Variants in WNK1 observed in about 807,000 individuals in gnomAD.
The protein encoded by WNK1 is serine/threonine-protein kinase WNK1.
WNK1 carries 38 observed loss-of-function variants against 222.8 expected under a neutral mutation model. The ratio of observed to expected loss-of-function variants is 0.17; its 90% CI spans 0.13 to 0.22. The LOEUF (loss-of-function observed/expected upper bound fraction) is 0.22, where lower values mean the gene tolerates loss of function less well. Ranked by LOEUF, WNK1 falls within the 10% of genes least tolerant of loss-of-function variation. The probability of loss-of-function intolerance (pLI) is 1.00; values close to 1 mark genes in which losing one functional copy is unlikely to be tolerated. For synonymous variants in WNK1, 1,090 were observed against 1,092.9 expected (o/e 1.00, Z 0.05); for missense variants, 2,348 against 2,918.4 (o/e 0.80, Z 4.50).
At chr12:872,681 C>T (rs1016313165) in intron 9 of WNK1, among the ~76,000 whole-genome samples, 1 of 152,164 alleles carries the variant, frequency 6.6e-6, no homozygotes, top group Non-Finnish European at 1.5e-5. Context: ...TGCAAACTTC[C>T]TAATGTTAGT....
rs72647364 is a variant in WNK1, at chr12:753,407, C to T, written c.-159C>T. 4.8e-4 allele frequency: 452 copies of T among 934,448 alleles called. 1 individual carries two copies. Among genetic ancestry groups the T allele is most frequent in the African/African-American group, 2.9e-3 (173 of 60,434 alleles). 57.9% of individuals were successfully genotyped at this position (934,448 alleles called of 1,614,324 possible). ...AGCTGGGCCCAGCGGTCCGCCTGTCCCTCGTTGCGGCTTGTCGGTGCTGAG... is the reference window on the plus strand; with the variant it reads ...AGCTGGGCCCAGCGGTCCGCCTGTCTCTCGTTGCGGCTTGTCGGTGCTGAG... On this transcript the variant is annotated 5_prime_UTR_variant, in exon 1 of 28. Coordinates refer to ENST00000315939, the MANE Select transcript of WNK1 (RefSeq NM_018979.4). The surrounding 1 kb of genome is among the most constrained non-coding windows in gnomAD (Gnocchi z 5.2).
intron 4 of WNK1, among the ~76,000 whole-genome samples, chr12:849,682 A>G (rs979190572): frequency 1.3e-5 from 2 of 151,884 alleles, no homozygotes; most frequent in Admixed American, 1.3e-4. Flanking sequence ...TCATCATTTA[A>G]CATTAGGTAT....
At position 827,850 on chromosome 12, in the gene WNK1, T is replaced by G. The variant is rs774589169; in HGVS notation, c.1153+588T>G. On this transcript the variant is annotated intron_variant, in intron 3 of 27. Transcript: ENST00000315939. The surrounding 1 kb of genome is among the most constrained non-coding windows in gnomAD (Gnocchi z 4.6). The stretch of plus-strand genomic sequence containing the variant: ...AGCCAGCCATCTTTTCATTACACAC[T>G]GTTGATACTTAACATTATACACTAT... Among the ~76,000 whole-genome samples, 3 of 152,142 alleles carry G rather than the reference T, an allele frequency of 2.0e-5. No homozygotes were observed. The highest frequency in any genetic ancestry group is 4.4e-5 in the Non-Finnish European group (3 of 68,028).
At chr12:795,474 G>C (rs1047126606) in intron 1 of WNK1, among the ~76,000 whole-genome samples, 1 of 151,890 alleles carries the variant, frequency 6.6e-6, no homozygotes, top group South Asian at 2.1e-4. Context: ...ATAAGTCTCA[G>C]AGATCTGATG....
chr12:869,476 C>G (rs935482439), intron 8 of WNK1, among the ~76,000 whole-genome samples: 13 of 152,116 alleles, frequency 8.5e-5, no homozygotes, highest in African/African-American at 2.7e-4. Flanking sequence ...GTATTACTTT[C>G]TTCCTCCAAA....
Position 859,306 on chromosome 12 carries a change from G to A in WNK1, c.1462G>A (p.Glu488Lys). The change falls in exon 6 of 28, where the codon GAA (glutamate) becomes AAA (lysine). Residue 488 changes from glutamate to lysine, a missense_variant. This residue lies in a region of WNK1 where 37 missense variants were observed against 102.8 expected (regional missense o/e 0.36). Transcript: ENST00000315939. ...CCAAGAGGAAACAGGAGTACGGGTA[G>A]AATTAGCAGAAGAAGATGATGGAGA... ...FFQEETGVRV[E>K]LAEEDDGEKI... 1 of 1,613,750 alleles carries A rather than the reference G, an allele frequency of 6.2e-7. No individual in the cohort carries two copies. Among genetic ancestry groups the A allele is most frequent in the Non-Finnish European group, 8.5e-7 (1 of 1,179,870 alleles).
At chr12:817,399 G>C (rs1393692224) in intron 2 of WNK1, among the ~76,000 whole-genome samples, 2 of 152,114 alleles carry the variant, frequency 1.3e-5, no homozygotes, top group Non-Finnish European at 2.9e-5. Context: ...TAAGAATTCT[G>C]ATTGAGAATG....
chr12:806,155 C>T (rs943109667), intron 1 of WNK1, among the ~76,000 whole-genome samples: 2 of 152,136 alleles, frequency 1.3e-5, no homozygotes, highest in Non-Finnish European at 2.9e-5. Context: ...GTCGAGCCCT[C>T]AGAATAATTC....
At chr12:778,852 ACAC>A (rs1212821060) in intron 1 of WNK1, among the ~76,000 whole-genome samples, 1 of 152,146 alleles carries the variant, frequency 6.6e-6, no homozygotes, top group Non-Finnish European at 1.5e-5. Context: ...TTTCTGGTGA[ACAC>A]CACCACAGGG....
Position 765,508 on chromosome 12 carries a change from CT to C in WNK1, c.759+11186del, listed in dbSNP as rs535121244. On this transcript the variant is annotated intron_variant, in intron 1 of 27. Transcript: ENST00000315939. ...GCTGCAGTGAGGCTTGATCATGCCA[CT>C]TGCACTTCAGCCTAGGTGACAGAGC... Among the ~76,000 whole-genome samples the C allele has an allele frequency of 1.2e-3, 167 of 135,644 alleles. 19 individuals are homozygous for C. Among genetic ancestry groups the C allele is most frequent in the South Asian group, 9.6e-3 (39 of 4,068 alleles). The allele number at this position is 135,644 out of a possible 152,430, so 89.0% of individuals were successfully genotyped here.
chr12:907,733 G>A lies in WNK1; in HGVS notation c.6644-114G>A, dbSNP rs534990361. 3 of 1,287,720 alleles carry A rather than the reference G, an allele frequency of 2.3e-6. No homozygotes were observed. In the East Asian group the frequency reaches 6.9e-5, roughly 30 times the overall value. 79.8% of individuals were successfully genotyped at this position (1,287,720 alleles called of 1,614,324 possible). On this transcript the variant is annotated intron_variant, in intron 26 of 27. Coordinates refer to ENST00000315939, the MANE Select transcript of WNK1 (RefSeq NM_018979.4). ...ATCTTCCCTCTTGCATGGCTTCCCA[G>A]TTCATCCTCTTCTCATTCTGTGGCT...
chr12:881,835 G>A (rs1953192408), intron 13 of WNK1, 46 bp downstream of exon 13: 1 of 1,613,514 alleles, frequency 6.2e-7, no homozygotes, highest in Non-Finnish European at 8.5e-7. Context: ...AAATAAGACG[G>A]TATGAAACGC....
Position 885,002 on chromosome 12 carries a change from A to G in WNK1, c.4198A>G (p.Ile1400Val), listed in dbSNP as rs1953524003. ...TGVVTSGGLP[I>V]PPVSESPVLS... ...TGTGGTAACTTCAGGTGGTCTCCCC[A>G]TACCACCTGTGTCTGAATCACCAGT... Residue 1400 changes from isoleucine (I) to valine (V), a missense_variant, in exon 19 of 28, where the codon ATA becomes GTA. This residue lies in a region of WNK1 where 1,144 missense variants were observed against 1,273.6 expected (regional missense o/e 0.90). Transcript: ENST00000315939. The G allele has an allele frequency of 6.2e-7, 1 of 1,613,570 alleles. No homozygotes were observed. The highest frequency in any genetic ancestry group is 8.5e-7 in the Non-Finnish European group (1 of 1,179,468).
intron 8 of WNK1, chr12:865,089 G>T (rs943465641): frequency 1.1e-5 from 16 of 1,491,202 alleles, no homozygotes; most frequent in Non-Finnish European, 1.4e-5. Context: ...TTTTTCATGT[G>T]TGTGTTTGTT....
intron 1 of WNK1, among the ~76,000 whole-genome samples, chr12:807,917 C>T (rs1469677274): frequency 2.0e-5 from 3 of 151,906 alleles, no homozygotes. Context: ...GACGGGGTTT[C>T]ACCGTGTTAG....
rs1021035908 is a variant in WNK1, at chr12:869,230, G to A, written c.2140-2035G>A. On this transcript the variant is annotated intron_variant, in intron 8 of 27. Transcript: ENST00000315939. ...AATATTGTTTAATTTTATCAGTAGA[G>A]TTTCCCCATCTTTGGGGGGTTGTGA... The A allele has an allele frequency of 3.6e-6, 5 of 1,394,258 alleles. No homozygotes were observed. In the African/African-American group the frequency reaches 7.1e-5, roughly 20 times the overall value. The allele number at this position is 1,394,258 out of a possible 1,614,324, so 86.4% of individuals were successfully genotyped here.
At chr12:779,410 CTT>C (rs71439359) in intron 1 of WNK1, among the ~76,000 whole-genome samples, 1 of 106,014 alleles carries the variant, frequency 9.4e-6, no homozygotes, top group Non-Finnish European at 2.0e-5. Flanking sequence ...TTTTTTTTTT[CTT>C]TTTTTTTTTT....
At chr12:842,127 T>C (rs1453731115) in intron 4 of WNK1, among the ~76,000 whole-genome samples, 1 of 152,212 alleles carries the variant, frequency 6.6e-6, no homozygotes, top group Non-Finnish European at 1.5e-5. Flanking sequence ...ATGTCAAATA[T>C]AGTCAAAATC....
At chr12:785,532 G>C (rs753843364) in intron 1 of WNK1, among the ~76,000 whole-genome samples, 7 of 151,716 alleles carry the variant, frequency 4.6e-5, no homozygotes, top group Non-Finnish European at 7.4e-5. Flanking sequence ...CGAGTAGCTG[G>C]GATTACAGGC....
Sources: gnomAD v4.1 joint callset for allele counts (sites outside exome capture counted in the v4.1 genomes callset) on GRCh38, gnomAD v4.1.1 for gene constraint, gnomAD v4.1.1 regional missense constraint, Gnocchi (gnomAD v3.1) non-coding constraint, MANE v1.5 for transcripts, NCBI Gene and HGNC (gene_info 2026-07-23, HGNC 2026-07-21) for gene names.